TDRD12: variants seen among roughly 807,000 people sequenced by gnomAD.
The protein encoded by TDRD12 is putative ATP-dependent RNA helicase TDRD12.
TDRD12 carries 158 observed loss-of-function variants against 133.5 expected under a neutral mutation model. The ratio of observed to expected loss-of-function variants is 1.18; its 90% confidence interval spans 1.04 to 1.35. The LOEUF (loss-of-function observed/expected upper bound fraction) is 1.35. Ranked by LOEUF, TDRD12 falls within the 40% of genes most tolerant of loss-of-function variation. The pLI is 0.00. For missense variants in TDRD12, 1,443 were observed against 1,321.3 expected (o/e 1.09, Z -1.43); for synonymous variants, 460 against 477.9 (o/e 0.96, Z 0.49).
At chr19:32,826,575 T>A in exon 9 of TDRD12, 1 of 1,240,246 alleles carries the variant, frequency 8.1e-7, no homozygotes, top group Non-Finnish European at 1.0e-6. Flanking sequence ...AAGGGAGGCA[T>A]GGTGTCACCT....
chr19:32,749,843 C>T, exon 6 of TDRD12: 3 of 1,546,858 alleles, frequency 1.9e-6, no homozygotes, highest in Non-Finnish European at 2.6e-6. Flanking sequence ...TGAGGTTTAC[C>T]TTTATGTAAC....
Position 32,726,875 on chromosome 19 carries a change from A to G in TDRD12, c.25-4850A>G, listed in dbSNP as rs146402717. Among the ~76,000 whole-genome samples, 480 of 152,218 alleles carry G rather than the reference A, an allele frequency of 3.2e-3. 3 individuals carry two copies. Among genetic ancestry groups the G allele is most frequent in the African/African-American group, 0.011 (438 of 41,526 alleles). ...ACTGGGTTGCTTCCACATTTTAGCT[A>G]TTGTGAATAATGCTGCTATGAACAC... On this transcript the variant is annotated intron_variant, in intron 1 of 27. Coordinates refer to ENST00000444215, the Ensembl canonical transcript of TDRD12.
At chr19:32,827,134 C>T (rs1451019800) in intron 9 of TDRD12, 30 bp from the exon 33 acceptor site, 2 of 1,159,010 alleles carry the variant, frequency 1.7e-6, no homozygotes, top group Non-Finnish European at 2.2e-6. Flanking sequence ...TTAGTCTACA[C>T]TTATTTGTTA....
chr19:32,725,923 A>G (rs7257486), intron 1 of TDRD12, among the ~76,000 whole-genome samples: 9,779 of 152,074 alleles, frequency 0.064, 539 homozygotes, highest in East Asian at 0.24. Flanking sequence ...CTTTGTAGCA[A>G]CAATTGAATT....
At chr19:32,808,116 T>C (rs1308227264) in intron 22 of TDRD12, among the ~76,000 whole-genome samples, 4 of 152,188 alleles carry the variant, frequency 2.6e-5, no homozygotes, top group Non-Finnish European at 5.9e-5. Flanking sequence ...TTTCAAGACA[T>C]TCATGATAAT....
At chr19:32,738,149 A>C (rs535696068) in intron 2 of TDRD12, among the ~76,000 whole-genome samples, 1 of 151,830 alleles carries the variant, frequency 6.6e-6, no homozygotes, top group South Asian at 2.1e-4. Flanking sequence ...AAAAAAATAA[A>C]GAGTCATGGG....
In TDRD12 at chr19:32,818,758, G is replaced by A. The variant is rs189572432; in HGVS notation, c.3383+601G>A. ...GGTGGGGACGTTGTAGCCAGCAGGT[G>A]GAGGGAAGCCTGGAGAGGTGAGTAG... On this transcript the variant is annotated intron_variant, in intron 27 of 27. Coordinates refer to ENST00000444215, the Ensembl canonical transcript of TDRD12. Among the ~76,000 whole-genome samples, 29 of 152,290 alleles carry A rather than the reference G, an allele frequency of 1.9e-4. No individual in the cohort carries two copies. The Middle Eastern group carries it at 0.01, about 54-fold the overall frequency.
intron 10 of TDRD12, among the ~76,000 whole-genome samples, chr19:32,775,395 A>G (rs528573452): frequency 1.1e-3 from 167 of 152,292 alleles, no homozygotes; most frequent in Non-Finnish European, 1.9e-3. Flanking sequence ...CAGTGGAGCA[A>G]TCATAACTCA....
chr19:32,756,790 A>T (rs546106994), intron 7 of TDRD12, among the ~76,000 whole-genome samples: 100 of 152,204 alleles, frequency 6.6e-4, no homozygotes, highest in African/African-American at 2.2e-3. Context: ...AGACACCTTT[A>T]AAAAAAAGAG....
chr19:32,724,883 T>C (rs1968809695), intron 1 of TDRD12, among the ~76,000 whole-genome samples: 1 of 152,228 alleles, frequency 6.6e-6, no homozygotes, highest in Non-Finnish European at 1.5e-5. Context: ...ATCTGTTGTT[T>C]CTTGACTTTT....
rs142794853 is a variant in TDRD12, at chr19:32,786,357, A to G, written c.1122-4174A>G. Reference sequence around the variant, plus strand: ...ACCTTTCTCTCTGGGTGCCCTTAACATTTTTGCTTTCATTTCAACCTTGTG... The same window carrying G: ...ACCTTTCTCTCTGGGTGCCCTTAACGTTTTTGCTTTCATTTCAACCTTGTG... On this transcript the variant is annotated intron_variant, in intron 11 of 27. Transcript: ENST00000444215. Among the ~76,000 whole-genome samples the G allele has an allele frequency of 4.3e-3, 648 of 152,092 alleles. 7 individuals are homozygous for G. The highest frequency in any genetic ancestry group is 5.9e-3 in the Non-Finnish European group (404 of 68,002).
chr19:32,734,806 C>G (rs547303523), intron 2 of TDRD12, among the ~76,000 whole-genome samples: 6 of 152,264 alleles, frequency 3.9e-5, no homozygotes, highest in African/African-American at 1.4e-4. Flanking sequence ...ACAGCAGGTC[C>G]TCACTTCATG....
At chr19:32,726,302 G>C (rs979869593) in intron 1 of TDRD12, among the ~76,000 whole-genome samples, 5 of 151,966 alleles carry the variant, frequency 3.3e-5, no homozygotes, top group African/African-American at 4.8e-5. Flanking sequence ...CGATGGTCTT[G>C]ATCTCCTGAC....
exon 10 of TDRD12, chr19:32,828,394 G>A (rs571638802): frequency 6.6e-6 from 1 of 152,154 alleles, no homozygotes; most frequent in African/African-American, 2.4e-5. Context: ...GCACTGGGGG[G>A]GGTCACCAGG....
At chr19:32,789,355 G>T (rs1244911115) in intron 11 of TDRD12, among the ~76,000 whole-genome samples, 1 of 152,162 alleles carries the variant, frequency 6.6e-6, no homozygotes, top group Non-Finnish European at 1.5e-5. Flanking sequence ...GTACAATTCA[G>T]TGATTTTTAG....
intron 1 of TDRD12, among the ~76,000 whole-genome samples, chr19:32,722,678 AAT>A (rs141714582): frequency 0.22 from 30,683 of 136,400 alleles, 2,798 homozygotes; most frequent in East Asian, 0.29. Flanking sequence ...ATTTAAAAAA[AAT>A]TTTTTTTTTT....
At chr19:32,791,516 A>G (rs1047840330) in intron 13 of TDRD12, among the ~76,000 whole-genome samples, 10 of 152,324 alleles carry the variant, frequency 6.6e-5, no homozygotes, top group African/African-American at 2.4e-4. Flanking sequence ...AATTTTTTTT[A>G]AGATAGGAAG....
intron 8 of TDRD12, among the ~76,000 whole-genome samples, chr19:32,763,508 C>G (rs562895197): frequency 2.0e-5 from 3 of 152,326 alleles, no homozygotes; most frequent in Admixed American, 2.0e-4. Flanking sequence ...TAGATAGGTT[C>G]TGATAAACTC....
intron 15 of TDRD12, 142 bp downstream of exon 15, chr19:32,798,033 C>A (rs1971280935): frequency 1.7e-6 from 1 of 592,282 alleles, no homozygotes; most frequent in Non-Finnish European, 3.0e-6. Flanking sequence ...CTAGTCCAGA[C>A]CTACTTGTCA....
Sources: gnomAD v4.1 joint callset for allele counts (sites outside exome capture counted in the v4.1 genomes callset) on GRCh38, gnomAD v4.1.1 for gene constraint, MANE v1.5 for transcripts, NCBI Gene and HGNC (gene_info 2026-07-23, HGNC 2026-07-21) for gene names.